Variants in GAS2L3 observed in about 807,000 individuals in gnomAD.
GAS2L3 encodes the protein growth arrest specific 2 like 3, also known as GAS2-like protein 3.
A neutral mutation model predicts 37.0 loss-of-function variants in GAS2L3; 28 were observed. The observed-to-expected ratio is 0.76, with a 90% CI of 0.56 to 1.04. GAS2L3 has a LOEUF of 1.04. GAS2L3 is among the 50% of genes least tolerant of loss of function. The pLI is 0.00. For synonymous variants in GAS2L3, 290 were observed against 296.6 expected (o/e 0.98, Z 0.23); for missense variants, 793 against 817.6 (o/e 0.97, Z 0.37).
At chr12:100,598,911 G>A (rs757144347) in intron 3 of GAS2L3, among the ~76,000 whole-genome samples, 5 of 152,168 alleles carry the variant, frequency 3.3e-5, no homozygotes, top group Non-Finnish European at 7.4e-5. Context: ...ATCCTCATGT[G>A]TGTTACCATT....
At position 100,626,403 on chromosome 12, in the gene GAS2L3, T is replaced by A. The variant is rs1183381240; in HGVS notation, c.*1513T>A. 1.3e-5 allele frequency: 2 copies of A among 152,208 alleles called. No individual in the cohort carries two copies. The highest frequency in any genetic ancestry group is 2.9e-5 in the Non-Finnish European group (2 of 68,028). The allele number at this position is 152,208 out of a possible 1,614,324, so 9.4% of individuals were successfully genotyped here. A position where few individuals can be genotyped will look rare whatever the true frequency, so the allele number is the denominator to read the frequency against. On this transcript the variant is annotated 3_prime_UTR_variant, in exon 10 of 10. Coordinates refer to ENST00000547754, the MANE Select transcript of GAS2L3 (RefSeq NM_174942.3). ...AGCTAGTTTTTGGAAGAAGTGATGC[T>A]TCTCTTCTTTAAAGAGACAGTCACC...
At position 100,600,468 on chromosome 12, in the gene GAS2L3, C is replaced by A; in HGVS notation, c.105C>A (p.Tyr35Ter). Residue 35 changes from tyrosine to a stop codon, truncating the protein, a stop_gained, in exon 4 of 10, where the codon TAC becomes TAA. Transcript: ENST00000547754. LOFTEE classifies it high-confidence loss of function. ...CAGGATTGGCTAATGTTTGTCAGTA[C>A]GATGAGTGGATAGCTGTGAGGCATG... is the stretch of plus-strand genomic sequence containing the variant. ...HGPGLANVCQ[Y>*]DEWIAVRHEA... 1 of 1,612,822 alleles carries A rather than the reference C, an allele frequency of 6.2e-7. No individual in the cohort carries two copies. Among genetic ancestry groups the A allele is most frequent in the Non-Finnish European group, 8.5e-7 (1 of 1,179,038 alleles).
intron 1 of GAS2L3, among the ~76,000 whole-genome samples, chr12:100,582,020 A>G (rs1334380194): frequency 6.6e-6 from 1 of 152,226 alleles, no homozygotes; most frequent in African/African-American, 2.4e-5. Context: ...TTTCCTAGAT[A>G]CTGTCACACG....
intron 5 of GAS2L3, among the ~76,000 whole-genome samples, chr12:100,610,493 T>C (rs1956113352): frequency 1.3e-5 from 2 of 150,204 alleles, no homozygotes. Context: ...TTTCAGTTGA[T>C]AGTTTGTATT....
At chr12:100,582,971 T>C (rs1227975832) in intron 1 of GAS2L3, among the ~76,000 whole-genome samples, 1 of 152,242 alleles carries the variant, frequency 6.6e-6, no homozygotes, top group Non-Finnish European at 1.5e-5. Flanking sequence ...CTTCTCCTCC[T>C]GTCTCTTTGC....
intron 1 of GAS2L3, among the ~76,000 whole-genome samples, chr12:100,584,692 G>A (rs1955756606): frequency 6.6e-6 from 1 of 151,812 alleles, no homozygotes; most frequent in Admixed American, 6.6e-5. Flanking sequence ...TTCTGCCTCA[G>A]CCTCCCGAGT....
chr12:100,624,720 C>G lies in GAS2L3; in HGVS notation c.1915C>G (p.Gln639Glu). Residue 639 changes from glutamine to glutamate, a missense_variant, in exon 10 of 10, where the codon CAG (glutamine) becomes GAG (glutamate). Physicochemically the swap from Gln to Glu is conservative, Grantham distance 29. Coordinates refer to ENST00000547754, the MANE Select transcript of GAS2L3 (RefSeq NM_174942.3). ...PKSAQTVAKS[Q>E]HSTKGPPRSG... is the part of the protein sequence containing the mutation. Reference sequence around the variant, plus strand: ...GTCAGCACAGACTGTCGCTAAGAGCCAGCATTCAACTAAAGGGCCTCCCAG... The same window carrying G: ...GTCAGCACAGACTGTCGCTAAGAGCGAGCATTCAACTAAAGGGCCTCCCAG... 1 of 1,613,996 alleles carries G rather than the reference C, an allele frequency of 6.2e-7. No individual in the cohort carries two copies. The highest frequency in any genetic ancestry group is 8.5e-7 in the Non-Finnish European group (1 of 1,180,010).
At chr12:100,578,937 A>T in intron 1 of GAS2L3, 1 of 911,786 alleles carries the variant, frequency 1.1e-6, no homozygotes, top group African/African-American at 1.6e-5. Flanking sequence ...GGAAGAGGGG[A>T]TAAGGTTATA....
At chr12:100,581,028 A>T (rs1189747630) in intron 1 of GAS2L3, among the ~76,000 whole-genome samples, 7 of 152,114 alleles carry the variant, frequency 4.6e-5, no homozygotes, top group Admixed American at 4.6e-4. Flanking sequence ...TGATGAAGAT[A>T]TTTTTTGCTT....
At chr12:100,615,198 T>A (rs1303981470) in intron 6 of GAS2L3, among the ~76,000 whole-genome samples, 1 of 152,204 alleles carries the variant, frequency 6.6e-6, no homozygotes, top group Non-Finnish European at 1.5e-5. Flanking sequence ...ATTATAACCA[T>A]CCTAGTGGGT....
At chr12:100,607,244 T>C (rs576040599) in intron 5 of GAS2L3, among the ~76,000 whole-genome samples, 28 of 152,326 alleles carry the variant, frequency 1.8e-4, no homozygotes, top group Admixed American at 5.2e-4. Context: ...TTAAATGCCA[T>C]GTCACTCTCT....
At chr12:100,577,533 G>A (rs1337572995) in intron 1 of GAS2L3, among the ~76,000 whole-genome samples, 1 of 152,194 alleles carries the variant, frequency 6.6e-6, no homozygotes, top group East Asian at 1.9e-4. Context: ...CAAATAACAT[G>A]TAATGTTTTA....
chr12:100,620,759 A>G (rs911715011), intron 8 of GAS2L3, among the ~76,000 whole-genome samples: 2 of 152,024 alleles, frequency 1.3e-5, no homozygotes, highest in East Asian at 1.9e-4. Flanking sequence ...ATACTTAGGA[A>G]ATTTTTACAG....
At chr12:100,595,666 G>A (rs530037728) in intron 3 of GAS2L3, among the ~76,000 whole-genome samples, 1 of 151,930 alleles carries the variant, frequency 6.6e-6, no homozygotes, top group African/African-American at 2.4e-5. Flanking sequence ...TTAGATTTCA[G>A]TTCTGATCCT....
At position 100,573,805 on chromosome 12, in the gene GAS2L3, TC is replaced by T. The variant is rs1211323452; in HGVS notation, c.-152+21del. ...CGCCTGGTGAGTACTTCCCTGTTTGTCTTCTCTTTTCCTGGCGAACTTTTAC... is the reference window on the plus strand; with the variant it reads ...CGCCTGGTGAGTACTTCCCTGTTTGTTTCTCTTTTCCTGGCGAACTTTTAC... On this transcript the variant is annotated intron_variant, in intron 1 of 9. Coordinates refer to ENST00000547754, the MANE Select transcript of GAS2L3 (RefSeq NM_174942.3). 1 of 152,914 alleles carries T rather than the reference TC, an allele frequency of 6.5e-6. No individual in the cohort carries two copies. Among genetic ancestry groups the T allele is most frequent in the African/African-American group, 2.4e-5 (1 of 41,456 alleles). The allele number at this position is 152,914 out of a possible 1,614,324, so 9.5% of individuals were successfully genotyped here. A position where few individuals can be genotyped will look rare whatever the true frequency, so the allele number is the denominator to read the frequency against.
Position 100,624,632 on chromosome 12 carries a change from C to T in GAS2L3, c.1827C>T (p.Gly609=), listed in dbSNP as rs752699193. ...GACCCAGCTCCTTGAAGTCTCCTGG[C>T]CGTACCCCACTGTCCATCGTGAGCC... ...KTGPSSLKSP[G]RTPLSIVSLP... The change falls in exon 10 of 10, where the codon GGC becomes GGT. Residue 609 remains glycine (G), a synonymous_variant. Transcript: ENST00000547754. The T allele has an allele frequency of 5.0e-5, 81 of 1,613,946 alleles. No individual in the cohort carries two copies. The highest frequency in any genetic ancestry group is 6.5e-5 in the Non-Finnish European group (77 of 1,180,016).
At chr12:100,620,350 A>ATAT (rs1190728128) in intron 8 of GAS2L3, among the ~76,000 whole-genome samples, 1 of 152,020 alleles carries the variant, frequency 6.6e-6, no homozygotes, top group African/African-American at 2.4e-5. Context: ...AATAATAGTA[A>ATAT]TATAGTACCT....
intron 8 of GAS2L3, among the ~76,000 whole-genome samples, chr12:100,620,820 A>C (rs1400234634): frequency 1.3e-5 from 2 of 152,030 alleles, no homozygotes; most frequent in Non-Finnish European, 2.9e-5. Context: ...ACTTTGGTTA[A>C]CTAATGTATC....
Position 100,624,742 on chromosome 12 carries a change from C to G in GAS2L3, c.1937C>G (p.Pro646Arg). 6.2e-7 allele frequency: 1 copy of G among 1,613,906 alleles called. No homozygotes were observed. The highest frequency in any genetic ancestry group is 8.5e-7 in the Non-Finnish European group (1 of 1,180,000). The change falls in exon 10 of 10, where the codon CCC becomes CGC. Residue 646 changes from proline to arginine, a missense_variant. Coordinates refer to ENST00000547754, the MANE Select transcript of GAS2L3 (RefSeq NM_174942.3). ...AGCCAGCATTCAACTAAAGGGCCTC[C>G]CAGAAGTGGCAAAACCCCAGCTTCA... Reference protein sequence around the residue: ...AKSQHSTKGPPRSGKTPASIR... With the variant: ...AKSQHSTKGPRRSGKTPASIR...
Sources: gnomAD v4.1 joint callset for allele counts (sites outside exome capture counted in the v4.1 genomes callset) on GRCh38, gnomAD v4.1.1 for gene constraint, MANE v1.5 for transcripts, NCBI Gene and HGNC (gene_info 2026-07-23, HGNC 2026-07-21) for gene names.